AMOTL1: variants seen among roughly 807,000 people sequenced by gnomAD.
AMOTL1 encodes angiomotin like 1, also known as angiomotin-like protein 1.
A neutral mutation model predicts 102.9 loss-of-function variants in AMOTL1; 45 were observed. The observed-to-expected ratio is 0.44, with a 90% confidence interval of 0.34 to 0.56. The LOEUF (loss-of-function observed/expected upper bound fraction) is 0.56. Ranked by LOEUF, AMOTL1 falls within the 20% of genes least tolerant of loss-of-function variation. The pLI is 0.01. For missense variants in AMOTL1, 1,114 were observed against 1,225.6 expected (o/e 0.91, Z 1.36); for synonymous variants, 481 against 484.7 (o/e 0.99, Z 0.10).
At chr11:94,772,595 G>A (rs1433496418) in intron 1 of AMOTL1, among the ~76,000 whole-genome samples, 2 of 152,182 alleles carry the variant, frequency 1.3e-5, no homozygotes, top group Non-Finnish European at 1.5e-5. Context: ...TAATATGGAT[G>A]TACTATGGTT....
chr11:94,721,874 C>T (rs904712900), intron 1 of AMOTL1, among the ~76,000 whole-genome samples: 1 of 152,104 alleles, frequency 6.6e-6, no homozygotes, highest in African/African-American at 2.4e-5. Context: ...TTCACCTGTT[C>T]GGGTATGGCT....
intron 3 of AMOTL1, among the ~76,000 whole-genome samples, chr11:94,805,181 A>C (rs2135583852): frequency 6.6e-6 from 1 of 152,262 alleles, no homozygotes; most frequent in East Asian, 1.9e-4. Context: ...TGAATTTCTA[A>C]TCAGATTTAT....
chr11:94,856,749 A>G (rs1406743465), intron 8 of AMOTL1, among the ~76,000 whole-genome samples: 1 of 152,200 alleles, frequency 6.6e-6, no homozygotes, highest in African/African-American at 2.4e-5. Flanking sequence ...GCTCCTGGTC[A>G]TCTCCACCCT....
intron 1 of AMOTL1, among the ~76,000 whole-genome samples, chr11:94,728,480 T>C (rs1591900992): frequency 6.6e-6 from 1 of 152,072 alleles, no homozygotes; most frequent in South Asian, 2.1e-4. Context: ...ATGCAGAAAA[T>C]TACAAGGAAG....
At position 94,825,663 on chromosome 11, in the gene AMOTL1, G is replaced by C. The variant is rs532819399; in HGVS notation, c.1413+3842G>C. Among the ~76,000 whole-genome samples the C allele has an allele frequency of 3.9e-5, 6 of 152,282 alleles. No individual in the cohort carries two copies. In the South Asian group the frequency reaches 1.2e-3, roughly 32 times the overall value. Reference sequence around the variant, plus strand: ...CTCAGAGTCTGAGCTGGTCTGGATAGTTTTTGTATCAAACCAGCCTGTCTA... The same window carrying C: ...CTCAGAGTCTGAGCTGGTCTGGATACTTTTTGTATCAAACCAGCCTGTCTA... On this transcript the variant is annotated intron_variant, in intron 4 of 12. Transcript: ENST00000433060.
At chr11:94,715,087 T>G (rs543745566) in intron 1 of AMOTL1, among the ~76,000 whole-genome samples, 2 of 152,262 alleles carry the variant, frequency 1.3e-5, no homozygotes, top group African/African-American at 4.8e-5. Context: ...TTGTATTTAG[T>G]CTGTAAAAAC....
At chr11:94,784,729 G>C (rs1484536787) in intron 1 of AMOTL1, among the ~76,000 whole-genome samples, 1 of 152,172 alleles carries the variant, frequency 6.6e-6, no homozygotes, top group African/African-American at 2.4e-5. Context: ...TATGTTTGTT[G>C]TGTAAGAGCT....
Position 94,876,015 on chromosome 11 carries a change from C to T in AMOTL1, c.*5220C>T, listed in dbSNP as rs1565394616. The T allele has an allele frequency of 6.6e-6, 1 of 152,600 alleles. No individual in the cohort carries two copies. Among genetic ancestry groups the T allele is most frequent in the Non-Finnish European group, 1.5e-5 (1 of 68,032 alleles). 9.5% of individuals were successfully genotyped at this position (152,600 alleles called of 1,614,324 possible). On this transcript the variant is annotated 3_prime_UTR_variant, in exon 13 of 13. Transcript: ENST00000433060. ...GTTTCTTTGTCATGAAACTTTGCTT[C>T]TTCACAGAATTAGAATACTGCTCTC...
chr11:94,830,857 C>T (rs1952054714), intron 5 of AMOTL1, among the ~76,000 whole-genome samples: 2 of 152,238 alleles, frequency 1.3e-5, no homozygotes, highest in South Asian at 2.1e-4. Flanking sequence ...CTAGATCCCA[C>T]CTTTTCTGTT....
At chr11:94,840,681 TACACACACACACACACACACACACAC>T (rs111907230) in intron 6 of AMOTL1, among the ~76,000 whole-genome samples, 18 of 104,694 alleles carry the variant, frequency 1.7e-4, no homozygotes, top group Middle Eastern at 4.5e-3. Context: ...TATATATATA[TACACACACACACACACACACACACAC>T]ATATATATAT....
At chr11:94,743,587 G>C (rs1950553944) in intron 3 of AMOTL1, among the ~76,000 whole-genome samples, 2 of 151,548 alleles carry the variant, frequency 1.3e-5, no homozygotes, top group Non-Finnish European at 2.9e-5. Flanking sequence ...GTTCACTCCT[G>C]GCCGGAATAT....
chr11:94,777,462 C>A (rs1951042346), intron 1 of AMOTL1, among the ~76,000 whole-genome samples: 1 of 152,116 alleles, frequency 6.6e-6, no homozygotes, highest in Non-Finnish European at 1.5e-5. Context: ...TACATTTCCC[C>A]AAATTCTAAC....
intron 3 of AMOTL1, among the ~76,000 whole-genome samples, chr11:94,808,664 C>T (rs1344816564): frequency 6.6e-6 from 1 of 152,176 alleles, no homozygotes; most frequent in African/African-American, 2.4e-5. Flanking sequence ...AACTGGCTCT[C>T]CAGAACCAGG....
intron 1 of AMOTL1, among the ~76,000 whole-genome samples, chr11:94,770,915 C>T (rs961144890): frequency 1.3e-5 from 2 of 152,016 alleles, no homozygotes; most frequent in African/African-American, 4.8e-5. Context: ...CTGATGTCTA[C>T]CCCTAAGGAA....
chr11:94,726,713 A>G (rs1950266150), intron 1 of AMOTL1, among the ~76,000 whole-genome samples: 1 of 152,166 alleles, frequency 6.6e-6, no homozygotes, highest in Admixed American at 6.5e-5. Flanking sequence ...CCCAATAGAA[A>G]TTCTTTAGTA....
At chr11:94,732,301 CACA>C (rs1404877020) in intron 2 of AMOTL1, among the ~76,000 whole-genome samples, 2 of 152,174 alleles carry the variant, frequency 1.3e-5, no homozygotes, top group Non-Finnish European at 2.9e-5. Context: ...GGCAGATCCA[CACA>C]ACATCTGCCC....
intron 4 of AMOTL1, among the ~76,000 whole-genome samples, chr11:94,824,457 T>C (rs780303319): frequency 6.6e-6 from 1 of 152,226 alleles, no homozygotes; most frequent in African/African-American, 2.4e-5. Context: ...ACCAGAATTA[T>C]TGATTCAAAA....
rs773289745 is a variant in AMOTL1 at position 94,768,569 on chromosome 11, C to T, written c.49+9C>T. ...TGAGCCTGCGGTGAAAGGTAACCAGCCCCCACTCGAGGTGCCGGGAGGGCG... is the reference window on the plus strand; with the variant it reads ...TGAGCCTGCGGTGAAAGGTAACCAGTCCCCACTCGAGGTGCCGGGAGGGCG... On this transcript the variant is annotated intron_variant, in intron 1 of 12. Coordinates refer to ENST00000433060, the MANE Select transcript of AMOTL1 (RefSeq NM_130847.3). 1.9e-6 allele frequency: 3 copies of T among 1,590,752 alleles called. No individual in the cohort carries two copies. Among genetic ancestry groups the T allele is most frequent in the Non-Finnish European group, 2.6e-6 (3 of 1,169,144 alleles).
intron 6 of AMOTL1, among the ~76,000 whole-genome samples, chr11:94,846,945 A>T (rs891570458): frequency 1.4e-4 from 22 of 152,214 alleles, no homozygotes; most frequent in African/African-American, 4.6e-4. Context: ...ATGGGAAGAT[A>T]TTGTTACTAC....
Sources: allele counts gnomAD v4.1 joint callset (sites outside exome capture counted in the v4.1 genomes callset), GRCh38; gene constraint gnomAD v4.1.1; transcripts MANE v1.5; gene names NCBI Gene and HGNC (gene_info 2026-07-23, HGNC 2026-07-21).